Variants in TMEFF2 observed in about 807,000 individuals in gnomAD.
TMEFF2 encodes tomoregulin-2.
A neutral mutation model predicts 53.8 loss-of-function variants in TMEFF2; 28 were observed. The ratio of observed to expected loss-of-function variants is 0.52; its 90% CI spans 0.39 to 0.71. TMEFF2 has a LOEUF of 0.71. Ranked by LOEUF, TMEFF2 falls within the 30% of genes least tolerant of loss-of-function variation. TMEFF2 has a pLI of 0.00. For missense variants in TMEFF2, 353 were observed against 455.2 expected, an observed-to-expected ratio of 0.78 and a Z score of 2.04; for synonymous variants, 162 against 166.3, an observed-to-expected ratio of 0.97 and a Z score of 0.20.
intron 7 of TMEFF2, among the ~76,000 whole-genome samples, chr2:191,958,012 C>A (rs1425846689): frequency 6.6e-6 from 1 of 152,286 alleles, no homozygotes; most frequent in East Asian, 1.9e-4. Context: ...CTGCAGTAAG[C>A]AAATACACCA....
intron 4 of TMEFF2, among the ~76,000 whole-genome samples, chr2:192,084,141 GCAAA>G (rs1045854353): frequency 6.6e-6 from 1 of 152,108 alleles, no homozygotes; most frequent in Non-Finnish European, 1.5e-5. Flanking sequence ...GATGGTATTT[GCAAA>G]CAGGTCCATC....
intron 4 of TMEFF2, among the ~76,000 whole-genome samples, chr2:192,089,304 A>G (rs1251684877): frequency 6.7e-6 from 1 of 150,266 alleles, no homozygotes; most frequent in Non-Finnish European, 1.5e-5. Flanking sequence ...ATTTGATAGA[A>G]GAATTAGGTA....
At chr2:192,011,163 C>T (rs1210086147) in intron 5 of TMEFF2, among the ~76,000 whole-genome samples, 1 of 152,190 alleles carries the variant, frequency 6.6e-6, no homozygotes, top group African/African-American at 2.4e-5. Context: ...TAGGAGCATC[C>T]ACCCCAGGAA....
chr2:191,992,765 G>A (rs1167698580), intron 7 of TMEFF2: 2 of 151,988 alleles, frequency 1.3e-5, no homozygotes, highest in Non-Finnish European at 2.9e-5. Context: ...ACAGAAGAAG[G>A]AAAAATTTAA....
intron 4 of TMEFF2, among the ~76,000 whole-genome samples, chr2:192,158,532 A>C (rs1285982479): frequency 6.6e-6 from 1 of 152,280 alleles, no homozygotes; most frequent in Non-Finnish European, 1.5e-5. Context: ...AAGCATTTAC[A>C]TCAGAATATC....
intron 4 of TMEFF2, among the ~76,000 whole-genome samples, chr2:192,158,356 A>T (rs1690554478): frequency 1.0e-5 from 1 of 99,596 alleles, no homozygotes; most frequent in Non-Finnish European, 2.5e-5. Context: ...AACTTTGTAA[A>T]TCTAGATTTA....
At chr2:192,041,973 G>T (rs1402310877) in intron 5 of TMEFF2, among the ~76,000 whole-genome samples, 1 of 152,102 alleles carries the variant, frequency 6.6e-6, no homozygotes, top group African/African-American at 2.4e-5. Context: ...GGCTGGGGGA[G>T]GTGGATCACC....
At chr2:191,973,903 G>T (rs143168917) in intron 7 of TMEFF2, among the ~76,000 whole-genome samples, 2 of 152,244 alleles carry the variant, frequency 1.3e-5, no homozygotes, top group African/African-American at 4.8e-5. Context: ...TGTGAAGAAG[G>T]ATGTGTCTAC....
At chr2:192,097,358 A>G (rs1187442172) in intron 4 of TMEFF2, among the ~76,000 whole-genome samples, 1 of 152,190 alleles carries the variant, frequency 6.6e-6, no homozygotes, top group African/African-American at 2.4e-5. Flanking sequence ...CATCTTATCT[A>G]CTCAATCAAA....
chr2:192,053,752 A>G (rs184076182), intron 5 of TMEFF2, among the ~76,000 whole-genome samples: 2 of 152,304 alleles, frequency 1.3e-5, no homozygotes, highest in Admixed American at 1.3e-4. Flanking sequence ...TCTGTTGCCT[A>G]GTACTATAGT....
intron 5 of TMEFF2, among the ~76,000 whole-genome samples, chr2:192,009,633 ATAT>A (rs1460186308): frequency 6.6e-6 from 1 of 152,104 alleles, no homozygotes; most frequent in African/African-American, 2.4e-5. Flanking sequence ...TATTTAATAC[ATAT>A]TATACCATGC....
intron 4 of TMEFF2, among the ~76,000 whole-genome samples, chr2:192,098,326 T>A (rs1688961285): frequency 6.6e-6 from 1 of 152,224 alleles, no homozygotes; most frequent in Admixed American, 6.5e-5. Context: ...TATTTGAACA[T>A]GTTTGGTCAA....
chr2:192,098,734 C>T (rs989642881), intron 4 of TMEFF2, among the ~76,000 whole-genome samples: 2 of 152,140 alleles, frequency 1.3e-5, no homozygotes, highest in Non-Finnish European at 2.9e-5. Flanking sequence ...AATGGTACCT[C>T]CAGGAAGGAC....
intron 8 of TMEFF2, among the ~76,000 whole-genome samples, chr2:191,955,110 TGAAAG>T (rs907016258): frequency 5.6e-5 from 6 of 106,504 alleles, no homozygotes; most frequent in African/African-American, 1.9e-4. Context: ...AGGGAAAACA[TGAAAG>T]GAAGACAGCT....
intron 8 of TMEFF2, among the ~76,000 whole-genome samples, chr2:191,954,385 G>A (rs1486935610): frequency 1.3e-5 from 2 of 152,076 alleles, no homozygotes; most frequent in African/African-American, 2.4e-5. Flanking sequence ...AAGGTAGGAG[G>A]ATTACTAGAT....
At chr2:192,073,148 T>C (rs1378712760) in intron 4 of TMEFF2, among the ~76,000 whole-genome samples, 1 of 151,942 alleles carries the variant, frequency 6.6e-6, no homozygotes, top group Non-Finnish European at 1.5e-5. Context: ...TATAGGTGGG[T>C]TTGTGCAAAT....
intron 5 of TMEFF2, among the ~76,000 whole-genome samples, chr2:192,049,858 G>A (rs776343327): frequency 9.2e-5 from 14 of 152,144 alleles, no homozygotes; most frequent in Middle Eastern, 3.4e-3. Context: ...AAAATTAGCC[G>A]GGCGTGGTGG....
intron 7 of TMEFF2, among the ~76,000 whole-genome samples, chr2:191,980,760 ATT>A (rs1685834790): frequency 6.6e-6 from 1 of 151,996 alleles, no homozygotes; most frequent in African/African-American, 2.4e-5. Context: ...GAACATATTC[ATT>A]ATTTGGCCCC....
intron 4 of TMEFF2, among the ~76,000 whole-genome samples, chr2:192,164,411 A>G (rs1224578185): frequency 6.6e-6 from 1 of 152,144 alleles, no homozygotes. Context: ...GTAACTTTGC[A>G]TAACATCACT....
Sources: allele counts gnomAD v4.1 joint callset (sites outside exome capture counted in the v4.1 genomes callset), GRCh38; gene constraint gnomAD v4.1.1; transcripts MANE v1.5; gene names NCBI Gene and HGNC (gene_info 2026-07-23, HGNC 2026-07-21).